The following MMEL1 variants were observed in gnomAD, a reference collection of about 807,000 sequenced individuals.
MMEL1 encodes the protein membrane metalloendopeptidase like 1.
In MMEL1, 98 loss-of-function variants were observed where a neutral mutation model predicts 117.1. The observed-to-expected ratio is 0.84, with a 90% CI of 0.71 to 0.99. MMEL1 has a LOEUF of 0.99. MMEL1 is among the 50% of genes least tolerant of loss of function. The pLI, the probability that MMEL1 is intolerant of heterozygous loss-of-function variation, is 0.00. For missense variants in MMEL1, 1,014 were observed against 1,049.1 expected (o/e 0.97, Z 0.46); for synonymous variants, 390 against 415.1 (o/e 0.94, Z 0.74).
chr1:2,595,146 G>A lies in MMEL1; in HGVS notation c.1584+130C>T. The stretch of plus-strand genomic sequence containing the variant: ...GGGTAGTGCTGGAGCCACCACCCTA[G>A]GGCACGGTGAGGACAGCTGTGTTAG... On this transcript the variant is annotated intron_variant, in intron 16 of 23. Transcript: ENST00000378412. The surrounding 1 kb of genome is among the most constrained non-coding windows in gnomAD (Gnocchi z 4.8). The A allele has an allele frequency of 1.2e-6, 1 of 829,702 alleles. No individual in the cohort carries two copies. Among genetic ancestry groups the A allele is most frequent in the South Asian group, 1.7e-5 (1 of 59,998 alleles). The allele number at this position is 829,702 out of a possible 1,614,324, so 51.4% of individuals were successfully genotyped here.
At chr1:2,604,923 G>A (rs1333750359) in intron 9 of MMEL1, among the ~76,000 whole-genome samples, 2 of 152,134 alleles carry the variant, frequency 1.3e-5, no homozygotes, top group Non-Finnish European at 2.9e-5. Context: ...TTGGCCACAC[G>A]GCCCTTCCTC....
Position 2,595,885 on chromosome 1 carries a change from G to C in MMEL1, c.1500+124C>G, listed in dbSNP as rs1644829268. The C allele has an allele frequency of 4.1e-6, 3 of 727,426 alleles. No homozygotes were observed. Among genetic ancestry groups the C allele is most frequent in the Non-Finnish European group, 4.8e-6 (2 of 419,082 alleles). The allele number at this position is 727,426 out of a possible 1,614,324, so 45.1% of individuals were successfully genotyped here. A position where few individuals can be genotyped will look rare whatever the true frequency, so the allele number is the denominator to read the frequency against. On this transcript the variant is annotated intron_variant, in intron 15 of 23. Transcript: ENST00000378412. This position sits in a 1 kb window ranked among gnomAD's most constrained non-coding sequence, Gnocchi z 4.8. ...CTCCCGGGGCTGCCTTCTCCCCGTG[G>C]GGTCCTGTCTGCGCCTCCCGGGGCT...
chr1:2,608,912 T>TAC (rs1209309604), intron 6 of MMEL1, among the ~76,000 whole-genome samples: 214 of 151,808 alleles, frequency 1.4e-3, no homozygotes, highest in African/African-American at 4.9e-3. Flanking sequence ...TGAACACATA[T>TAC]ATACACATAC....
chr1:2,624,479 T>G (rs1645338785), intron 2 of MMEL1, among the ~76,000 whole-genome samples: 1 of 152,262 alleles, frequency 6.6e-6, no homozygotes, highest in Non-Finnish European at 1.5e-5. Flanking sequence ...GAAACCGTCC[T>G]GCATATACCA....
At chr1:2,594,543 G>A (rs1644800199) in intron 17 of MMEL1, 100 bp from the exon 18 acceptor site, 5 of 1,384,184 alleles carry the variant, frequency 3.6e-6, no homozygotes, top group Middle Eastern at 1.8e-4. Context: ...GGCCACACCA[G>A]AGCAAGGGCC....
intron 8 of MMEL1, 55 bp downstream of exon 8, chr1:2,606,193 C>T: frequency 1.4e-6 from 2 of 1,403,354 alleles, no homozygotes; most frequent in Non-Finnish European, 2.0e-6. Context: ...GCTGCAAGAG[C>T]CCCCAGCCAG....
At chr1:2,596,526 T>G (rs774947812) in intron 14 of MMEL1, 35 bp downstream of exon 14, 3 of 1,597,482 alleles carry the variant, frequency 1.9e-6, no homozygotes, top group Admixed American at 1.7e-5. Flanking sequence ...TGTGGAAGGC[T>G]GGCCCCGCGT....
chr1:2,599,933 A>C (rs2985855), intron 11 of MMEL1, among the ~76,000 whole-genome samples: 87,785 of 151,314 alleles, frequency 0.58, 26,592 homozygotes, highest in Non-Finnish European at 0.68. Flanking sequence ...GAAGCAGCAG[A>C]AGCAACAAAA....
intron 2 of MMEL1, among the ~76,000 whole-genome samples, chr1:2,614,676 C>G (rs1023219312): frequency 7.9e-5 from 12 of 152,158 alleles, no homozygotes; most frequent in Admixed American, 6.6e-4. Context: ...AGACTAGAAG[C>G]AACACCAACC....
chr1:2,608,715 T>G (rs966413780), intron 6 of MMEL1, among the ~76,000 whole-genome samples: 1 of 151,820 alleles, frequency 6.6e-6, no homozygotes, highest in African/African-American at 2.4e-5. Flanking sequence ...AATACACATA[T>G]ACACTATACA....
chr1:2,604,302 C>A, intron 9 of MMEL1, 21 bp from the exon 10 acceptor site: 1 of 1,611,056 alleles, frequency 6.2e-7, no homozygotes, highest in Non-Finnish European at 8.5e-7. Flanking sequence ...GGACGCCGGG[C>A]AGAGCTGGGT....
intron 23 of MMEL1, 144 bp downstream of exon 23, chr1:2,591,413 C>A: frequency 1.4e-6 from 1 of 698,618 alleles, no homozygotes; most frequent in South Asian, 1.7e-5. Context: ...TGACCGAAAT[C>A]GGCCAGAAGC....
At chr1:2,606,828 CG>C in intron 7 of MMEL1, 145 bp downstream of exon 7, 1 of 710,200 alleles carries the variant, frequency 1.4e-6, no homozygotes, top group Non-Finnish European at 2.4e-6. Flanking sequence ...GAGGTTGCCC[CG>C]GCTGGGTTGG....
chr1:2,632,016 G>C (rs1362767582), intron 1 of MMEL1, among the ~76,000 whole-genome samples: 5 of 152,190 alleles, frequency 3.3e-5, no homozygotes, highest in Non-Finnish European at 5.9e-5. Flanking sequence ...CCTGATGTCA[G>C]GACCCTCTTT....
chr1:2,612,316 C>A lies in MMEL1; in HGVS notation c.155-112G>T. 1 of 865,498 alleles carries A rather than the reference C, an allele frequency of 1.2e-6. No individual in the cohort carries two copies. The highest frequency in any genetic ancestry group is 1.8e-6 in the Non-Finnish European group (1 of 546,072). 53.6% of individuals were successfully genotyped at this position (865,498 alleles called of 1,614,324 possible). On this transcript the variant is annotated intron_variant, in intron 2 of 23. Coordinates refer to ENST00000378412, the MANE Select transcript of MMEL1 (RefSeq NM_033467.4). This position sits in a 1 kb window ranked among gnomAD's most constrained non-coding sequence, Gnocchi z 5.4. ...TTCCCACAGTGCTGGGTGCTGCAGC[C>A]CTACCCCTGTAGTGAGGGCTGGTCC...
At chr1:2,597,276 A>G (rs1371937112) in intron 13 of MMEL1, among the ~76,000 whole-genome samples, 1 of 151,820 alleles carries the variant, frequency 6.6e-6, no homozygotes, top group Non-Finnish European at 1.5e-5. Context: ...CTTCCTCCCC[A>G]AAGCTCCTAG....
At chr1:2,613,597 A>C (rs1389368042) in intron 2 of MMEL1, among the ~76,000 whole-genome samples, 1 of 152,164 alleles carries the variant, frequency 6.6e-6, no homozygotes, top group Non-Finnish European at 1.5e-5. Context: ...AACCAGCATG[A>C]GTCAAATTCC....
chr1:2,603,900 C>T lies in MMEL1; in HGVS notation c.1025G>A (p.Ser342Asn), dbSNP rs1220836038. 8 of 1,613,810 alleles carry T rather than the reference C, an allele frequency of 5.0e-6. No homozygotes were observed. The East Asian group carries it at 8.9e-5, about 18-fold the overall frequency. The part of the protein sequence containing the change: ...YHRMGLEELQ[S>N]QFGLKGFNWT... ...TGGCCTCACCTTCAGGCCAAACTGG[C>T]TTTGCAGCTCCTCCAGTCCCATCCG... Residue 342 changes from serine (S) to asparagine (N), a missense_variant, in exon 11 of 24, where the codon AGC becomes AAC. By Grantham distance (46) the Ser-to-Asn change is conservative. Transcript: ENST00000378412.
At chr1:2,591,221 T>C (rs1343589592) in intron 23 of MMEL1, 132 bp from the exon 24 acceptor site, 2 of 641,016 alleles carry the variant, frequency 3.1e-6, no homozygotes, top group East Asian at 2.8e-5. Context: ...CAGAAACATT[T>C]CAACCATGAG....
Sources: allele counts gnomAD v4.1 joint callset (sites outside exome capture counted in the v4.1 genomes callset), GRCh38; gene constraint gnomAD v4.1.1; non-coding constraint Gnocchi (gnomAD v3.1); transcripts MANE v1.5; gene names NCBI Gene and HGNC (gene_info 2026-07-23, HGNC 2026-07-21).